Variants in PTPRD observed in about 807,000 individuals in gnomAD.
PTPRD encodes receptor-type tyrosine-protein phosphatase delta.
A neutral mutation model predicts 214.5 loss-of-function variants in PTPRD; 34 were observed. The ratio of observed to expected loss-of-function variants is 0.16; its 90% CI spans 0.12 to 0.21. The LOEUF (loss-of-function observed/expected upper bound fraction) is 0.21, where lower values mean the gene tolerates loss of function less well. PTPRD is among the 10% of genes least tolerant of loss of function. The probability of loss-of-function intolerance (pLI) is 1.00; values close to 1 mark genes in which losing one functional copy is unlikely to be tolerated. For missense variants in PTPRD, 2,545 were observed against 2,398.7 expected (o/e 1.06, Z -1.27); for synonymous variants, 1,128 against 845.7 (o/e 1.33, Z -5.79).
chr9:10,393,596 G>C (rs1308966476), intron 2 of PTPRD, among the ~76,000 whole-genome samples: 2 of 150,142 alleles, frequency 1.3e-5, no homozygotes, highest in Non-Finnish European at 3.0e-5. Context: ...TTCAAGGCTA[G>C]TCTGGGCAAT....
At chr9:9,769,944 C>CT (rs1255721415) in intron 5 of PTPRD, among the ~76,000 whole-genome samples, 1 of 152,066 alleles carries the variant, frequency 6.6e-6, no homozygotes, top group Non-Finnish European at 1.5e-5. Flanking sequence ...TGAACTCATT[C>CT]TTTTTATGGC....
At chr9:9,998,717 A>T (rs2096234913) in intron 4 of PTPRD, among the ~76,000 whole-genome samples, 1 of 152,164 alleles carries the variant, frequency 6.6e-6, no homozygotes, top group Non-Finnish European at 1.5e-5. Flanking sequence ...TAGTTGCTCT[A>T]AATAACGTCT....
intron 2 of PTPRD, among the ~76,000 whole-genome samples, chr9:10,475,912 C>T (rs2099059692): frequency 6.6e-6 from 1 of 151,894 alleles, no homozygotes; most frequent in African/African-American, 2.4e-5. Flanking sequence ...GCAGAAAAGG[C>T]CTTCAATACA....
intron 9 of PTPRD, among the ~76,000 whole-genome samples, chr9:9,321,590 C>T (rs1340036643): frequency 1.3e-5 from 2 of 148,164 alleles, no homozygotes; most frequent in South Asian, 2.1e-4. Context: ...GTTAAAATGC[C>T]ATGTATGCAT....
At chr9:9,639,786 C>T (rs952654769) in intron 7 of PTPRD, among the ~76,000 whole-genome samples, 10 of 152,040 alleles carry the variant, frequency 6.6e-5, no homozygotes, top group African/African-American at 9.7e-5. Flanking sequence ...ATCCATTGTT[C>T]CATATACTAA....
At chr9:10,516,842 T>A (rs1012794512) in intron 2 of PTPRD, among the ~76,000 whole-genome samples, 6 of 151,990 alleles carry the variant, frequency 3.9e-5, no homozygotes, top group Non-Finnish European at 8.8e-5. Context: ...TATTTTCCAA[T>A]CTTGTATGCT....
At chr9:10,100,221 G>C (rs2098538342) in intron 3 of PTPRD, among the ~76,000 whole-genome samples, 1 of 151,626 alleles carries the variant, frequency 6.6e-6, no homozygotes, top group Admixed American at 6.6e-5. Context: ...GCAACAAACT[G>C]AGAATGTTTA....
rs988471688 is a variant in PTPRD at position 10,060,892 on chromosome 9, C to T, written c.-544-27102G>A. ...TCTTTCCTTCCTTCCTTCCTTCCTT[C>T]CTTCCTTCTTTCTTTCTTTCTTTCT... On this transcript the variant is annotated intron_variant, in intron 3 of 45. Transcript: ENST00000381196. Among the ~76,000 whole-genome samples the T allele has an allele frequency of 4.0e-4, 35 of 88,002 alleles. No individual in the cohort carries two copies. In the African/African-American group the frequency reaches 4.4e-3, roughly 11 times the overall value. 57.7% of individuals were successfully genotyped at this position (88,002 alleles called of 152,430 possible).
chr9:10,555,238 C>G (rs768004582), intron 2 of PTPRD, among the ~76,000 whole-genome samples: 2 of 152,016 alleles, frequency 1.3e-5, no homozygotes, highest in Non-Finnish European at 2.9e-5. Context: ...AAAACCAAGC[C>G]TTATATATTT....
At chr9:10,221,969 C>A (rs934594858) in intron 3 of PTPRD, among the ~76,000 whole-genome samples, 3 of 151,842 alleles carry the variant, frequency 2.0e-5, no homozygotes, top group Non-Finnish European at 2.9e-5. Context: ...AACAACATTG[C>A]TCTTCAACAG....
intron 10 of PTPRD, among the ~76,000 whole-genome samples, chr9:9,144,307 C>A (rs1042230539): frequency 6.6e-6 from 1 of 152,172 alleles, no homozygotes; most frequent in Non-Finnish European, 1.5e-5. Flanking sequence ...AGATGATTTA[C>A]TGCAATTTGT....
At chr9:8,796,409 A>T (rs1229068761) in intron 11 of PTPRD, among the ~76,000 whole-genome samples, 1 of 152,164 alleles carries the variant, frequency 6.6e-6, no homozygotes, top group Non-Finnish European at 1.5e-5. Context: ...TGACACTGGG[A>T]TGTAAGAATG....
chr9:9,517,750 TG>T (rs2154251559), intron 8 of PTPRD, among the ~76,000 whole-genome samples: 1 of 152,146 alleles, frequency 6.6e-6, no homozygotes, highest in South Asian at 2.1e-4. Context: ...CAGAAAAAAA[TG>T]GTGCATATTA....
chr9:10,567,254 T>G (rs2065907090), intron 2 of PTPRD, among the ~76,000 whole-genome samples: 2 of 152,062 alleles, frequency 1.3e-5, no homozygotes, highest in Admixed American at 6.6e-5. Flanking sequence ...AAATCTTAAT[T>G]TACTGTGGTC....
intron 11 of PTPRD, chr9:8,858,437 G>A (rs1373924751): frequency 6.6e-6 from 1 of 152,378 alleles, no homozygotes; most frequent in Admixed American, 6.5e-5. Context: ...CCAGTCTTTG[G>A]ACCTGGCTTG....
At chr9:9,523,034 G>T (rs2097026641) in intron 8 of PTPRD, among the ~76,000 whole-genome samples, 1 of 152,040 alleles carries the variant, frequency 6.6e-6, no homozygotes, top group African/African-American at 2.4e-5. Flanking sequence ...TTTAAAAAGT[G>T]ACCTAACTTA....
chr9:8,679,742 C>T (rs935570973), intron 12 of PTPRD, among the ~76,000 whole-genome samples: 1 of 152,212 alleles, frequency 6.6e-6, no homozygotes, highest in Non-Finnish European at 1.5e-5. Flanking sequence ...CCAAAGAAAG[C>T]TTTGTTCTCC....
In PTPRD at chr9:10,087,264, A is replaced by T. The variant is rs2098358868; in HGVS notation, c.-544-53474T>A. On this transcript the variant is annotated intron_variant, in intron 3 of 45. Coordinates refer to ENST00000381196, the MANE Select transcript of PTPRD (RefSeq NM_002839.4). ...TGCATATTGCACTCATTTTATATTT[A>T]AAATTCTTCTCCCAAATGGAAATGC... Among the ~76,000 whole-genome samples, 3 of 151,762 alleles carry T rather than the reference A, an allele frequency of 2.0e-5. No homozygotes were observed. In the South Asian group the frequency reaches 6.2e-4, roughly 31 times the overall value.
intron 5 of PTPRD, among the ~76,000 whole-genome samples, chr9:9,812,443 C>T (rs1033437101): frequency 5.9e-5 from 9 of 151,622 alleles, no homozygotes; most frequent in African/African-American, 2.2e-4. Context: ...CTAACTTTAG[C>T]TTTAAGGTCA....
Sources: gnomAD v4.1 joint callset for allele counts (sites outside exome capture counted in the v4.1 genomes callset) on GRCh38, gnomAD v4.1.1 for gene constraint, MANE v1.5 for transcripts, NCBI Gene and HGNC (gene_info 2026-07-23, HGNC 2026-07-21) for gene names.